SSBP3: variants seen among roughly 807,000 people sequenced by gnomAD.
SSBP3 encodes the protein single-stranded DNA-binding protein 3.
In SSBP3, 5 loss-of-function variants were observed where a neutral mutation model predicts 69.6. The ratio of observed to expected loss-of-function variants is 0.07; its 90% CI spans 0.04 to 0.15. The LOEUF is 0.15. SSBP3 is among the 10% of genes least tolerant of loss of function. The pLI is 1.00. For synonymous variants in SSBP3, 196 were observed against 193.4 expected, an observed-to-expected ratio of 1.01 and a Z score of -0.11; for missense variants, 312 against 534.0, an observed-to-expected ratio of 0.58 and a Z score of 4.10.
At chr1:54,244,815 ACCCCACCCCTTCGGGCTGACTG>A (rs1256106285) in intron 9 of SSBP3, among the ~76,000 whole-genome samples, 1 of 151,714 alleles carries the variant, frequency 6.6e-6, no homozygotes, top group Non-Finnish European at 1.5e-5. Context: ...AGCCCTCCTG[ACCCCACCCCTTCGGGCTGACTG>A]CTCCAGCCCT....
At chr1:54,267,774 A>G (rs1244700567) in intron 5 of SSBP3, among the ~76,000 whole-genome samples, 1 of 152,198 alleles carries the variant, frequency 6.6e-6, no homozygotes, top group Admixed American at 6.5e-5. Flanking sequence ...GTTCCTTTCC[A>G]AAGATGTTTC....
At chr1:54,236,530 C>T (rs1644498554) in intron 14 of SSBP3, 1 of 152,240 alleles carries the variant, frequency 6.6e-6, no homozygotes, top group Non-Finnish European at 1.5e-5. Context: ...CCACCTTGGC[C>T]TCCCAAAGTG....
At chr1:54,283,160 G>A (rs577594125) in intron 4 of SSBP3, among the ~76,000 whole-genome samples, 7 of 152,066 alleles carry the variant, frequency 4.6e-5, no homozygotes, top group South Asian at 2.1e-4. Flanking sequence ...CCAGCTACTC[G>A]GGAGGCTGAG....
At chr1:54,370,420 AAG>A (rs768092352) in intron 4 of SSBP3, among the ~76,000 whole-genome samples, 1 of 152,170 alleles carries the variant, frequency 6.6e-6, no homozygotes, top group African/African-American at 2.4e-5. Flanking sequence ...TTGGCAGAAA[AAG>A]AGTTACCGTG....
chr1:54,295,515 C>T (rs911299872), intron 4 of SSBP3, among the ~76,000 whole-genome samples: 2 of 152,180 alleles, frequency 1.3e-5, no homozygotes, highest in Non-Finnish European at 2.9e-5. Flanking sequence ...CTAACCAAGC[C>T]GACACAGCAC....
At chr1:54,281,344 C>G in intron 5 of SSBP3, 94 bp downstream of exon 5, 1 of 997,864 alleles carries the variant, frequency 1.0e-6, no homozygotes, top group Non-Finnish European at 1.5e-6. Context: ...CCATGGCAAA[C>G]TGAGCTACTT....
chr1:54,304,215 A>G (rs1010474889), intron 4 of SSBP3, among the ~76,000 whole-genome samples: 17 of 152,230 alleles, frequency 1.1e-4, no homozygotes, highest in African/African-American at 3.6e-4. Context: ...TGAGGACAGC[A>G]GGGCAGCCTT....
intron 4 of SSBP3, among the ~76,000 whole-genome samples, chr1:54,324,501 T>C (rs1646267757): frequency 1.3e-5 from 2 of 150,514 alleles, no homozygotes; most frequent in African/African-American, 4.9e-5. Context: ...CCCTTAAGAC[T>C]GACATCCATC....
At chr1:54,341,122 ACT>A (rs769038873) in intron 4 of SSBP3, among the ~76,000 whole-genome samples, 18 of 152,080 alleles carry the variant, frequency 1.2e-4, no homozygotes, top group Non-Finnish European at 2.5e-4. Context: ...TGCTGGATTA[ACT>A]CTCTTTCCGC....
At chr1:54,268,704 G>A (rs1375596398) in intron 5 of SSBP3, among the ~76,000 whole-genome samples, 1 of 152,222 alleles carries the variant, frequency 6.6e-6, no homozygotes, top group Non-Finnish European at 1.5e-5. Flanking sequence ...AGGAGCTTGG[G>A]GAATGGCCCA....
chr1:54,379,035 C>T (rs1344895737), intron 4 of SSBP3, among the ~76,000 whole-genome samples: 3 of 152,330 alleles, frequency 2.0e-5, no homozygotes, highest in Admixed American at 2.0e-4. Flanking sequence ...CAGGTCCCCG[C>T]CCCAACCCAC....
intron 4 of SSBP3, among the ~76,000 whole-genome samples, chr1:54,333,249 C>T (rs564992076): frequency 3.0e-4 from 45 of 152,304 alleles, no homozygotes; most frequent in East Asian, 5.8e-4. Flanking sequence ...CATAGACTCT[C>T]GGGAGAGAAG....
intron 14 of SSBP3, among the ~76,000 whole-genome samples, chr1:54,232,853 G>A (rs1644405467): frequency 6.6e-6 from 1 of 152,230 alleles, no homozygotes; most frequent in African/African-American, 2.4e-5. Context: ...GAGGTGCCGG[G>A]ATTGCAGACG....
chr1:54,403,194 C>G (rs549204517), intron 3 of SSBP3, among the ~76,000 whole-genome samples: 4 of 152,148 alleles, frequency 2.6e-5, no homozygotes, highest in African/African-American at 9.7e-5. Flanking sequence ...TACGTTCCTG[C>G]GGCTGAGATA....
At chr1:54,376,174 G>A (rs571103791) in intron 4 of SSBP3, among the ~76,000 whole-genome samples, 13 of 150,360 alleles carry the variant, frequency 8.6e-5, no homozygotes, top group South Asian at 2.1e-4. Context: ...CTGTTCACTC[G>A]TGTGCGTGCA....
At chr1:54,264,376 G>A (rs973201133) in intron 5 of SSBP3, among the ~76,000 whole-genome samples, 1 of 152,234 alleles carries the variant, frequency 6.6e-6, no homozygotes, top group Non-Finnish European at 1.5e-5. Flanking sequence ...AATAAGCTAT[G>A]TGTTAAGTAT....
chr1:54,406,036 T>TCGCCGCCACCGC, exon 1 of SSBP3: 1 of 1,329,336 alleles, frequency 7.5e-7, no homozygotes. Context: ...GCGCCGAGCC[T>TCGCCGCCACCGC]CGCCGCCGCC....
At position 54,390,531 on chromosome 1, in the gene SSBP3, T is replaced by G. The variant is rs541009864; in HGVS notation, c.276+11330A>C. On this transcript the variant is annotated intron_variant, in intron 4 of 17. Transcript: ENST00000610401. Reference sequence around the variant, plus strand: ...ACTGAAGCACTCTGATGATCAAGTTTTCTGCAATTCCCTATTCCACGCATT... The same window carrying G: ...ACTGAAGCACTCTGATGATCAAGTTGTCTGCAATTCCCTATTCCACGCATT... Among the ~76,000 whole-genome samples, 8 of 152,338 alleles carry G rather than the reference T, an allele frequency of 5.3e-5. No individual in the cohort carries two copies. The South Asian group carries it at 1.7e-3, about 32-fold the overall frequency.
Position 54,239,205 on chromosome 1 carries a change from G to C in SSBP3, c.857-6C>G, listed in dbSNP as rs367861609. The C allele has an allele frequency of 3.7e-5, 60 of 1,606,436 alleles. No individual in the cohort carries two copies. The Middle Eastern group carries it at 9.9e-4, about 27-fold the overall frequency. ...GTCACTGGAATTTGTTGAATCTGTAGAACAGTGGAAACCCACAAGTCGGGG... is the reference window on the plus strand; with the variant it reads ...GTCACTGGAATTTGTTGAATCTGTACAACAGTGGAAACCCACAAGTCGGGG... On this transcript the variant is annotated splice_polypyrimidine_tract_variant and splice_region_variant and intron_variant, in intron 13 of 17. Coordinates refer to ENST00000610401, the Ensembl canonical transcript of SSBP3.
Sources: allele counts gnomAD v4.1 joint callset (sites outside exome capture counted in the v4.1 genomes callset), GRCh38; gene constraint gnomAD v4.1.1; transcripts MANE v1.5; gene names NCBI Gene and HGNC (gene_info 2026-07-23, HGNC 2026-07-21).